The following MID1 variants were observed in gnomAD, a reference collection of about 807,000 sequenced individuals.
MID1 encodes E3 ubiquitin-protein ligase Midline-1.
MID1 carries 7 observed loss-of-function variants against 40.4 expected under a neutral mutation model. That is an observed-to-expected ratio of 0.17 (90% CI 0.10 to 0.33). The LOEUF (loss-of-function observed/expected upper bound fraction) is 0.33. MID1 is among the 10% of genes least tolerant of loss of function. MID1 has a pLI of 1.00. For missense variants in MID1, 367 were observed against 558.5 expected (o/e 0.66, Z 3.46); for synonymous variants, 229 against 221.2 (o/e 1.04, Z -0.31).
chrX:10,559,856 A>G (rs748724491), intron 2 of MID1, among the ~76,000 whole-genome samples: 1 of 109,079 alleles, frequency 9.2e-6, no homozygotes, highest in African/African-American at 3.4e-5. Flanking sequence ...GACCTCTCAA[A>G]AAACCTATAT....
intron 1 of MID1, among the ~76,000 whole-genome samples, chrX:10,672,251 G>A (rs2042992097): frequency 9.0e-6 from 1 of 110,919 alleles, no homozygotes; most frequent in African/African-American, 3.3e-5. Flanking sequence ...GAAAGAAGAT[G>A]TGGTAGTCAG....
In MID1 at chrX:10,628,615, C is replaced by T. The variant is rs28599720; in HGVS notation, c.-186-8196G>A. Among the ~76,000 whole-genome samples, 758 of 111,684 alleles carry T rather than the reference C, an allele frequency of 6.8e-3. 9 individuals carry two copies. Among genetic ancestry groups the T allele is most frequent in the African/African-American group, 0.024 (724 of 30,776 alleles). On this transcript the variant is annotated intron_variant, in intron 1 of 10. Transcript: ENST00000380785. ...TGTTATGGTCATCTTTAGAAACCAA[C>T]CAATTCGCAAATAGGTGGACTTTTC...
At chrX:10,639,923 T>C (rs951973750) in intron 1 of MID1, among the ~76,000 whole-genome samples, 2 of 111,422 alleles carry the variant, frequency 1.8e-5, no homozygotes, top group African/African-American at 3.3e-5. Context: ...CTAAGCTTCA[T>C]AAGTGAAGGA....
chrX:10,825,257 C>T (rs1257946127), intron 1 of MID1, among the ~76,000 whole-genome samples: 2 of 111,656 alleles, frequency 1.8e-5, no homozygotes, highest in East Asian at 2.8e-4. Context: ...CAAAGGGAAG[C>T]TAATACCTTG....
intron 1 of MID1, among the ~76,000 whole-genome samples, chrX:10,792,917 T>C (rs570880312): frequency 9.1e-6 from 1 of 110,102 alleles, no homozygotes; most frequent in Middle Eastern, 4.7e-3. Flanking sequence ...AAAAAAGGAG[T>C]AGGACATTCT....
chrX:10,666,104 AAAAG>A (rs2042948801), intron 1 of MID1, among the ~76,000 whole-genome samples: 1 of 110,581 alleles, frequency 9.0e-6, no homozygotes, highest in African/African-American at 3.3e-5. Context: ...TAAAAATAAA[AAAAG>A]AGAGAGAAAA....
chrX:10,832,934 G>A (rs772612620), intron 1 of MID1, among the ~76,000 whole-genome samples: 3 of 112,122 alleles, frequency 2.7e-5, no homozygotes, highest in African/African-American at 9.7e-5. Context: ...TTTATTCACC[G>A]TTCTCGCCAT....
At chrX:10,510,041 T>A (rs1932037040) in intron 3 of MID1, among the ~76,000 whole-genome samples, 1 of 112,190 alleles carries the variant, frequency 8.9e-6, no homozygotes, top group Non-Finnish European at 1.9e-5. Context: ...TATGATCTCA[T>A]TATTCTATTC....
At chrX:10,642,843 C>G (rs886077009) in intron 1 of MID1, among the ~76,000 whole-genome samples, 9 of 109,907 alleles carry the variant, frequency 8.2e-5, no homozygotes, top group African/African-American at 3.0e-4. Flanking sequence ...AGAACAGAGC[C>G]CTCAGAAATA....
intron 1 of MID1, among the ~76,000 whole-genome samples, chrX:10,638,532 T>G (rs1334197169): frequency 8.9e-6 from 1 of 112,194 alleles, no homozygotes; most frequent in Non-Finnish European, 1.9e-5. Flanking sequence ...TGGAGCCCAC[T>G]GCAGCTCAAG....
At chrX:10,580,188 G>GCC (rs1354677080) in intron 1 of MID1, among the ~76,000 whole-genome samples, 3 of 93,230 alleles carry the variant, frequency 3.2e-5, no homozygotes, top group African/African-American at 4.2e-5. Context: ...TCAATCACAT[G>GCC]CCCCCCCCCG....
At chrX:10,817,039 T>C (rs1013601372) in intron 1 of MID1, among the ~76,000 whole-genome samples, 3 of 112,042 alleles carry the variant, frequency 2.7e-5, no homozygotes, top group African/African-American at 9.7e-5. Flanking sequence ...TTCAAGCCCT[T>C]TGATGTTGAA....
intron 1 of MID1, among the ~76,000 whole-genome samples, chrX:10,779,788 T>A (rs2043831658): frequency 9.0e-6 from 1 of 110,986 alleles, no homozygotes; most frequent in Non-Finnish European, 1.9e-5. Flanking sequence ...GCTGGAAGGA[T>A]TGAGGAAGAG....
At chrX:10,562,371 T>TAAAAAAAAAAAAAAA (rs760465620) in intron 2 of MID1, among the ~76,000 whole-genome samples, 1 of 44,890 alleles carries the variant, frequency 2.2e-5, no homozygotes. Flanking sequence ...GAACTTAAAG[T>TAAAAAAAAAAAAAAA]AAAAAAAAAA....
At chrX:10,686,874 G>A (rs1198909789) in intron 1 of MID1, among the ~76,000 whole-genome samples, 5 of 111,890 alleles carry the variant, frequency 4.5e-5, no homozygotes, top group African/African-American at 1.6e-4. Flanking sequence ...GGCATCAGAT[G>A]CAGGCTGCTC....
At chrX:10,719,831 T>C (rs2043335882) in intron 1 of MID1, among the ~76,000 whole-genome samples, 1 of 111,480 alleles carries the variant, frequency 9.0e-6, no homozygotes, top group East Asian at 2.8e-4. Flanking sequence ...AACAGCATGA[T>C]ACTGGTACCA....
chrX:10,659,434 T>C (rs1214383613), intron 1 of MID1, among the ~76,000 whole-genome samples: 3 of 111,484 alleles, frequency 2.7e-5, no homozygotes, highest in African/African-American at 9.8e-5. Context: ...AGGCACATCT[T>C]TCAGAAACAC....
At chrX:10,626,383 C>T (rs1345505358) in intron 1 of MID1, among the ~76,000 whole-genome samples, 1 of 108,569 alleles carries the variant, frequency 9.2e-6, no homozygotes, top group Non-Finnish European at 1.9e-5. Flanking sequence ...GGCTGGAGTG[C>T]AGTGGCTAGT....
chrX:10,739,207 T>C (rs760480971), intron 1 of MID1, among the ~76,000 whole-genome samples: 263 of 111,506 alleles, frequency 2.4e-3, no homozygotes, highest in Non-Finnish European at 4.2e-3. Context: ...GGAAGGGCAG[T>C]TGGGGAGATG....
Sources: gnomAD v4.1 joint callset for allele counts (sites outside exome capture counted in the v4.1 genomes callset) on GRCh38, gnomAD v4.1.1 for gene constraint, MANE v1.5 for transcripts, NCBI Gene and HGNC (gene_info 2026-07-23, HGNC 2026-07-21) for gene names.